Variants in KANK1 observed in about 807,000 individuals in gnomAD.
KANK1 encodes KN motif and ankyrin repeat domains 1, also known as KN motif and ankyrin repeat domain-containing protein 1.
KANK1 carries 109 observed loss-of-function variants against 106.2 expected under a neutral mutation model. That is an observed-to-expected ratio of 1.03 (90% CI 0.88 to 1.20). The LOEUF is 1.20. Ranked by LOEUF, KANK1 falls within the 50% of genes most tolerant of loss-of-function variation. The pLI, the probability that KANK1 is intolerant of heterozygous loss-of-function variation, is 0.00. For missense variants in KANK1, 2,399 were observed against 1,710.7 expected (o/e 1.40, Z -7.10); for synonymous variants, 873 against 652.2 (o/e 1.34, Z -5.16).
At chr9:491,950 C>T (rs1447717512) in intron 3 of KANK1, 1 of 152,226 alleles carries the variant, frequency 6.6e-6, no homozygotes, top group Admixed American at 6.5e-5. Flanking sequence ...TTCTCCTTGC[C>T]TTCCGCCATG....
chr9:483,078 G>C (rs553582147), intron 3 of KANK1, among the ~76,000 whole-genome samples: 34 of 152,158 alleles, frequency 2.2e-4, no homozygotes, highest in African/African-American at 8.2e-4. Context: ...GGCCCAAAGA[G>C]TAATGAGGTC....
At chr9:701,556 A>G (rs564330157) in intron 2 of KANK1, among the ~76,000 whole-genome samples, 11 of 152,296 alleles carry the variant, frequency 7.2e-5, no homozygotes, top group African/African-American at 2.6e-4. Flanking sequence ...TGTCTTGTGC[A>G]TGGCAAAATG....
intron 1 of KANK1, among the ~76,000 whole-genome samples, chr9:552,407 A>T (rs2134121653): frequency 6.6e-6 from 1 of 152,318 alleles, no homozygotes; most frequent in East Asian, 1.9e-4. Context: ...GCACACCCTC[A>T]TCTCCTCAGC....
At chr9:604,448 A>C (rs533744004) in intron 1 of KANK1, among the ~76,000 whole-genome samples, 1 of 151,710 alleles carries the variant, frequency 6.6e-6, no homozygotes, top group African/African-American at 2.4e-5. Context: ...AGTGTTTGGC[A>C]GTTTCACCCT....
At chr9:589,053 C>G (rs1182284786) in intron 1 of KANK1, among the ~76,000 whole-genome samples, 8 of 152,212 alleles carry the variant, frequency 5.3e-5, no homozygotes, top group Non-Finnish European at 8.8e-5. Flanking sequence ...CTGAAGATCA[C>G]AAATTACCTT....
rs748072513 is a variant in KANK1, at chr9:713,172, C to T, written c.2406C>T (p.Asp802=). Residue 802 remains aspartate (D), a synonymous_variant, in exon 3 of 12, where the codon GAC becomes GAT. Coordinates refer to ENST00000382297, the MANE Select transcript of KANK1 (RefSeq NM_015158.5). Reference sequence around the variant, plus strand: ...GAAGGAGCGTGGGGGTTGGGGATGACCCTGTAGGGGAATCTCTGGAGAACC... The same window carrying T: ...GAAGGAGCGTGGGGGTTGGGGATGATCCTGTAGGGGAATCTCTGGAGAACC... ...ASRRSVGVGD[D]PVGESLENPQ... is the part of the protein sequence containing the mutation. 5.8e-5 allele frequency: 92 copies of T among 1,587,176 alleles called. 1 individual carries two copies. Among genetic ancestry groups the T allele is most frequent in the Non-Finnish European group, 7.7e-5 (90 of 1,166,484 alleles).
At chr9:492,585 C>A (rs941113785) in intron 3 of KANK1, among the ~76,000 whole-genome samples, 5 of 151,724 alleles carry the variant, frequency 3.3e-5, no homozygotes, top group African/African-American at 9.7e-5. Flanking sequence ...TAGTGATTGG[C>A]ATATAGAAAG....
At position 645,980 on chromosome 9, in the gene KANK1, G is replaced by T. The variant is rs1026861133; in HGVS notation, c.-83-30910G>T. ...ACACTTATTGAATGCTTACCCATTT[G>T]ACTGGATGATGCGTAGGAATAACAA... is the stretch of plus-strand genomic sequence containing the variant. On this transcript the variant is annotated intron_variant, in intron 1 of 11. Coordinates refer to ENST00000382297, the MANE Select transcript of KANK1 (RefSeq NM_015158.5). Among the ~76,000 whole-genome samples the T allele has an allele frequency of 2.7e-5, 4 of 150,918 alleles. 1 individual carries two copies. The highest frequency in any genetic ancestry group is 5.0e-5 in the African/African-American group (2 of 40,266).
At chr9:741,736 C>G (rs567483858) in intron 9 of KANK1, among the ~76,000 whole-genome samples, 8 of 152,166 alleles carry the variant, frequency 5.3e-5, no homozygotes, top group African/African-American at 1.9e-4. Flanking sequence ...ATCCACCTGA[C>G]TCAGCCTCCT....
chr9:663,369 A>G (rs1843801303), intron 1 of KANK1, among the ~76,000 whole-genome samples: 1 of 152,208 alleles, frequency 6.6e-6, no homozygotes, highest in Admixed American at 6.5e-5. Flanking sequence ...ATATTTATAA[A>G]GTCAAGGTTT....
At chr9:612,213 A>G (rs1830730534) in intron 1 of KANK1, among the ~76,000 whole-genome samples, 1 of 152,216 alleles carries the variant, frequency 6.6e-6, no homozygotes, top group Non-Finnish European at 1.5e-5. Context: ...TAGAGAAAAT[A>G]CACAAAGCCA....
intron 1 of KANK1, among the ~76,000 whole-genome samples, chr9:613,724 AACAGGAT>A: frequency 6.6e-6 from 1 of 152,310 alleles, no homozygotes; most frequent in South Asian, 2.1e-4. Context: ...TGAGATTAAA[AACAGGAT>A]ACTTCTTGAA....
At chr9:684,033 C>T (rs1441554335) in intron 2 of KANK1, 2 of 326,974 alleles carry the variant, frequency 6.1e-6, no homozygotes, top group Non-Finnish European at 8.7e-6. Context: ...TGAAGTCTTG[C>T]CTGTGTGGTT....
chr9:581,676 C>A (rs574009176), intron 1 of KANK1, among the ~76,000 whole-genome samples: 1 of 152,238 alleles, frequency 6.6e-6, no homozygotes, highest in South Asian at 2.1e-4. Context: ...AGATTCACCT[C>A]GATTATTCTT....
At chr9:525,350 C>CGTGTGTGTGTGTGTGTGTGTGT (rs35296364) in intron 1 of KANK1, among the ~76,000 whole-genome samples, 1 of 140,462 alleles carries the variant, frequency 7.1e-6, no homozygotes, top group African/African-American at 2.8e-5. Flanking sequence ...TGTATACATA[C>CGTGTGTGTGTGTGTGTGTGTGT]GTGTGTGTGT....
At chr9:534,636 T>G (rs1325373883) in intron 1 of KANK1, among the ~76,000 whole-genome samples, 1 of 152,212 alleles carries the variant, frequency 6.6e-6, no homozygotes, top group African/African-American at 2.4e-5. Context: ...TGGCTGACAT[T>G]TAACTATTGA....
At chr9:682,676 A>G (rs1817805487) in intron 2 of KANK1, among the ~76,000 whole-genome samples, 1 of 151,950 alleles carries the variant, frequency 6.6e-6, no homozygotes, top group African/African-American at 2.4e-5. Context: ...CTTTTTTATT[A>G]TTTCCCAACA....
intron 1 of KANK1, among the ~76,000 whole-genome samples, chr9:515,045 A>C (rs1361606899): frequency 2.6e-5 from 4 of 151,832 alleles, no homozygotes; most frequent in Non-Finnish European, 5.9e-5. Context: ...AGCAAAGTAG[A>C]AAAACAAAGC....
intron 1 of KANK1, among the ~76,000 whole-genome samples, chr9:538,465 A>G (rs1353113656): frequency 6.6e-6 from 1 of 152,244 alleles, no homozygotes; most frequent in African/African-American, 2.4e-5. Flanking sequence ...CATGATTGAC[A>G]AAACAATTTT....
Sources: gnomAD v4.1 joint callset for allele counts (sites outside exome capture counted in the v4.1 genomes callset) on GRCh38, gnomAD v4.1.1 for gene constraint, MANE v1.5 for transcripts, NCBI Gene and HGNC (gene_info 2026-07-23, HGNC 2026-07-21) for gene names.